Variants in LRRC3B observed in about 807,000 individuals in gnomAD.
LRRC3B encodes the protein leucine-rich repeat-containing protein 3B.
LRRC3B carries 2 observed loss-of-function variants against 12.8 expected under a neutral mutation model. The ratio of observed to expected loss-of-function variants is 0.16; its 90% CI spans 0.06 to 0.49. LRRC3B has a LOEUF of 0.49. Among genes scored for constraint, LRRC3B ranks in the 20% least tolerant of loss-of-function variants. The pLI is 0.96. For synonymous variants in LRRC3B, 132 were observed against 122.0 expected, an observed-to-expected ratio of 1.08 and a Z score of -0.54; for missense variants, 189 against 319.4, an observed-to-expected ratio of 0.59 and a Z score of 3.11.
At chr3:26,648,243 A>G (rs995415320) in intron 1 of LRRC3B, among the ~76,000 whole-genome samples, 2 of 152,014 alleles carry the variant, frequency 1.3e-5, no homozygotes, top group Non-Finnish European at 2.9e-5. Context: ...TCAATCCATT[A>G]TTCATGATGT....
intron 1 of LRRC3B, among the ~76,000 whole-genome samples, chr3:26,699,512 T>C (rs1243453595): frequency 6.6e-6 from 1 of 152,138 alleles, no homozygotes; most frequent in Non-Finnish European, 1.5e-5. Context: ...CAATCCTGTG[T>C]TTTTCCCACC....
intron 1 of LRRC3B, among the ~76,000 whole-genome samples, chr3:26,670,331 A>C (rs1459996050): frequency 6.6e-6 from 1 of 152,216 alleles, no homozygotes; most frequent in Non-Finnish European, 1.5e-5. Flanking sequence ...GAAGGGATTT[A>C]GTTTTGTGTC....
chr3:26,704,967 T>C (rs1700549644), intron 1 of LRRC3B, among the ~76,000 whole-genome samples: 1 of 152,248 alleles, frequency 6.6e-6, no homozygotes, highest in African/African-American at 2.4e-5. Context: ...TAGAGTTGCA[T>C]AGACTATAAT....
At chr3:26,689,591 C>T (rs925641771) in intron 1 of LRRC3B, among the ~76,000 whole-genome samples, 30 of 152,256 alleles carry the variant, frequency 2.0e-4, no homozygotes, top group African/African-American at 6.5e-4. Context: ...AAGGAGGAGC[C>T]GGTAATTAGT....
At position 26,687,943 on chromosome 3, in the gene LRRC3B, G is replaced by C. The variant is rs146964831; in HGVS notation, c.-160-21570G>C. 2.5e-4 allele frequency among the ~76,000 whole-genome samples: 38 copies of C among 152,334 alleles called. No individual in the cohort carries two copies. The East Asian group carries it at 6.6e-3, about 26-fold the overall frequency. On this transcript the variant is annotated intron_variant, in intron 1 of 1. Coordinates refer to ENST00000396641, the Ensembl canonical transcript of LRRC3B. ...ACTGGACAGAACCACCAAACAAGGA[G>C]ATGCTTCACAAGTAGCCTCTGGGAA...
intron 1 of LRRC3B, among the ~76,000 whole-genome samples, chr3:26,664,146 C>T (rs7616728): frequency 0.21 from 32,555 of 151,926 alleles, 3,854 homozygotes; most frequent in East Asian, 0.31. Flanking sequence ...GAACACCAAA[C>T]TATGCATGGT....
intron 1 of LRRC3B, among the ~76,000 whole-genome samples, chr3:26,667,466 G>A (rs1298163930): frequency 6.6e-6 from 1 of 152,150 alleles, no homozygotes; most frequent in Non-Finnish European, 1.5e-5. Flanking sequence ...AGAGTAGGCA[G>A]TCCAGAGCTA....
intron 1 of LRRC3B, among the ~76,000 whole-genome samples, chr3:26,625,832 A>G (rs118136190): frequency 2.0e-5 from 3 of 152,138 alleles, no homozygotes; most frequent in African/African-American, 7.2e-5. Flanking sequence ...GTTAGATTTA[A>G]CCCTCACAAC....
intron 1 of LRRC3B, among the ~76,000 whole-genome samples, chr3:26,691,975 A>G (rs768677872): frequency 1.3e-5 from 2 of 152,206 alleles, no homozygotes; most frequent in Non-Finnish European, 2.9e-5. Context: ...CGTGTTTGCA[A>G]AAGAGCTTCT....
chr3:26,633,526 G>T (rs1698804142), intron 1 of LRRC3B, among the ~76,000 whole-genome samples: 1 of 152,164 alleles, frequency 6.6e-6, no homozygotes, highest in African/African-American at 2.4e-5. Flanking sequence ...TGTAAAACAA[G>T]CATAAGAAAA....
At chr3:26,628,777 C>T (rs939192962) in intron 1 of LRRC3B, among the ~76,000 whole-genome samples, 5 of 151,120 alleles carry the variant, frequency 3.3e-5, no homozygotes, top group African/African-American at 1.2e-4. Context: ...TACTATTTCT[C>T]CACCACAGGT....
At chr3:26,681,408 CA>C (rs1295057871) in intron 1 of LRRC3B, among the ~76,000 whole-genome samples, 1 of 152,176 alleles carries the variant, frequency 6.6e-6, no homozygotes, top group African/African-American at 2.4e-5. Context: ...TAGGAAAGAA[CA>C]GACATAAACC....
At chr3:26,642,303 C>G (rs1699046131) in intron 1 of LRRC3B, among the ~76,000 whole-genome samples, 1 of 152,128 alleles carries the variant, frequency 6.6e-6, no homozygotes, top group Admixed American at 6.5e-5. Flanking sequence ...TCCTGGAGTC[C>G]CTGGACCAAA....
At chr3:26,662,571 T>TAGAC (rs576759475) in intron 1 of LRRC3B, among the ~76,000 whole-genome samples, 24 of 152,102 alleles carry the variant, frequency 1.6e-4, no homozygotes, top group South Asian at 6.2e-4. Flanking sequence ...GATAGATAGA[T>TAGAC]AGACAGACAG....
intron 1 of LRRC3B, among the ~76,000 whole-genome samples, chr3:26,692,428 A>G (rs1200616306): frequency 6.6e-6 from 1 of 152,226 alleles, no homozygotes; most frequent in African/African-American, 2.4e-5. Flanking sequence ...TTAGACGTGC[A>G]TGGATATCTT....
rs147232572 is a variant in LRRC3B at position 26,630,437 on chromosome 3, A to T, written c.-161+7200A>T. Among the ~76,000 whole-genome samples, 138 of 151,628 alleles carry T rather than the reference A, an allele frequency of 9.1e-4. 1 individual carries two copies. Among genetic ancestry groups the T allele is most frequent in the African/African-American group, 3.3e-3 (136 of 41,268 alleles). ...TATTGAAATATCTGTTTATCGACTT[A>T]TAAAAGAAACCACTGTTACTAATAT... On this transcript the variant is annotated intron_variant, in intron 1 of 1. Transcript: ENST00000396641.
At chr3:26,625,115 C>T (rs931716115) in intron 1 of LRRC3B, 2 of 152,340 alleles carry the variant, frequency 1.3e-5, no homozygotes, top group Non-Finnish European at 2.9e-5. Flanking sequence ...CCTGTACAAC[C>T]TTTAGGTCCT....
intron 1 of LRRC3B, among the ~76,000 whole-genome samples, chr3:26,671,365 T>TAGAG (rs1466620108): frequency 1.5e-3 from 66 of 43,450 alleles, no homozygotes; most frequent in Middle Eastern, 0.018. Context: ...TATATATATA[T>TAGAG]ATATATATAG....
At chr3:26,684,401 T>C (rs1575159453) in intron 1 of LRRC3B, among the ~76,000 whole-genome samples, 1 of 152,378 alleles carries the variant, frequency 6.6e-6, no homozygotes, top group Non-Finnish European at 1.5e-5. Flanking sequence ...CTGTGCTTAC[T>C]CTTTTCTATC....
Sources: gnomAD v4.1 joint callset for allele counts (sites outside exome capture counted in the v4.1 genomes callset) on GRCh38, gnomAD v4.1.1 for gene constraint, MANE v1.5 for transcripts, NCBI Gene and HGNC (gene_info 2026-07-23, HGNC 2026-07-21) for gene names.